ATP10A: variants seen among roughly 807,000 people sequenced by gnomAD.
ATP10A encodes ATPase phospholipid transporting 10A (putative), also known as phospholipid-transporting ATPase VA.
In ATP10A, 111 loss-of-function variants were observed where a neutral mutation model predicts 147.8. The ratio of observed to expected loss-of-function variants is 0.75; its 90% CI spans 0.64 to 0.88. The LOEUF (loss-of-function observed/expected upper bound fraction) is 0.88. Ranked by LOEUF, ATP10A falls within the 40% of genes least tolerant of loss-of-function variation. The probability of loss-of-function intolerance (pLI) is 0.00; values close to 1 mark genes in which losing one functional copy is unlikely to be tolerated. For missense variants in ATP10A, 1,927 were observed against 1,959.0 expected, an observed-to-expected ratio of 0.98 and a Z score of 0.31; for synonymous variants, 875 against 841.6, an observed-to-expected ratio of 1.04 and a Z score of -0.69.
At chr15:25,767,378 T>C (rs1889083738) in intron 2 of ATP10A, among the ~76,000 whole-genome samples, 1 of 152,164 alleles carries the variant, frequency 6.6e-6, no homozygotes, top group East Asian at 1.9e-4. Flanking sequence ...GCGAGTCTGC[T>C]GGGAGACCTG....
chr15:25,723,576 A>C (rs1313497030), intron 6 of ATP10A, among the ~76,000 whole-genome samples: 1 of 152,038 alleles, frequency 6.6e-6, no homozygotes, highest in African/African-American at 2.4e-5. Flanking sequence ...TAAACCTTAA[A>C]ATTATCCCAA....
intron 1 of ATP10A, among the ~76,000 whole-genome samples, chr15:25,790,464 G>A (rs929604523): frequency 6.6e-6 from 1 of 152,156 alleles, no homozygotes; most frequent in African/African-American, 2.4e-5. Flanking sequence ...AGGGCTGAAT[G>A]TTGTCCCAGC....
At chr15:25,838,116 A>C (rs1297622038) in intron 1 of ATP10A, among the ~76,000 whole-genome samples, 1 of 152,206 alleles carries the variant, frequency 6.6e-6, no homozygotes, top group East Asian at 1.9e-4. Context: ...TAGAGCAATG[A>C]TGATGAAAGG....
intron 10 of ATP10A, chr15:25,710,470 C>CTGA (rs1447994237): frequency 3.3e-5 from 5 of 152,200 alleles, no homozygotes; most frequent in Non-Finnish European, 7.3e-5. Flanking sequence ...TGGGCTGCAC[C>CTGA]TGATGTTCCC....
intron 2 of ATP10A, among the ~76,000 whole-genome samples, chr15:25,767,346 A>T (rs1234894551): frequency 6.6e-6 from 1 of 152,174 alleles, no homozygotes; most frequent in Non-Finnish European, 1.5e-5. Context: ...GGATGGATGG[A>T]GGCTGCGCCA....
At chr15:25,845,108 C>T (rs1039946318) in intron 1 of ATP10A, among the ~76,000 whole-genome samples, 4 of 152,206 alleles carry the variant, frequency 2.6e-5, no homozygotes, top group African/African-American at 4.8e-5. Context: ...AGCAAGACCT[C>T]GCCTCTCACA....
At chr15:25,789,932 C>T (rs948203940) in intron 1 of ATP10A, among the ~76,000 whole-genome samples, 1 of 152,092 alleles carries the variant, frequency 6.6e-6, no homozygotes, top group Admixed American at 6.6e-5. Flanking sequence ...AAAATCGCTC[C>T]CGGTTGAGAA....
At chr15:25,685,305 T>A (rs1231686146) in intron 16 of ATP10A, among the ~76,000 whole-genome samples, 1 of 152,172 alleles carries the variant, frequency 6.6e-6, no homozygotes, top group African/African-American at 2.4e-5. Context: ...GGCATTTTTA[T>A]GGAATAAAAA....
At chr15:25,675,311 G>C (rs369023462), downstream of ATP10A, among the ~76,000 whole-genome samples, 10 of 152,200 alleles carry the variant, frequency 6.6e-5, no homozygotes, top group Admixed American at 6.5e-4. Context: ...TGTCACTTCT[G>C]TTGTTCCAAA....
intron 1 of ATP10A, among the ~76,000 whole-genome samples, chr15:25,851,310 C>T (rs1239551150): frequency 6.6e-6 from 1 of 151,884 alleles, no homozygotes; most frequent in African/African-American, 2.4e-5. Context: ...TTCCAAGGCT[C>T]TCCATTCGTG....
At chr15:25,682,732 T>C (rs1247941711) in intron 17 of ATP10A, among the ~76,000 whole-genome samples, 1 of 152,186 alleles carries the variant, frequency 6.6e-6, no homozygotes, top group Non-Finnish European at 1.5e-5. Context: ...TGAATGAATC[T>C]GGAATTAGGG....
chr15:25,846,896 C>T (rs1012082243), intron 1 of ATP10A, among the ~76,000 whole-genome samples: 4 of 151,962 alleles, frequency 2.6e-5, no homozygotes, highest in Admixed American at 1.3e-4. Context: ...CATTACATGC[C>T]GGTAATTTAT....
At chr15:25,813,236 C>G (rs543513988) in intron 1 of ATP10A, among the ~76,000 whole-genome samples, 1 of 152,272 alleles carries the variant, frequency 6.6e-6, no homozygotes, top group East Asian at 1.9e-4. Context: ...AGGAATAGTC[C>G]TTGATCTCAC....
intron 1 of ATP10A, among the ~76,000 whole-genome samples, chr15:25,809,206 A>G (rs1891325196): frequency 6.6e-6 from 1 of 152,056 alleles, no homozygotes; most frequent in African/African-American, 2.4e-5. Context: ...CACCAGAAAG[A>G]GCCCAACTGA....
chr15:25,708,247 G>A lies in ATP10A; in HGVS notation c.2398C>T (p.Leu800Phe). 1 of 1,614,214 alleles carries A rather than the reference G, an allele frequency of 6.2e-7. No individual in the cohort carries two copies. The highest frequency in any genetic ancestry group is 8.5e-7 in the Non-Finnish European group (1 of 1,180,040). ...AGGCCTTCCGCCGCATACACGTTGAGGTAATTCTGAGTTTTGCTCCGAATC... is the reference window on the plus strand; with the variant it reads ...AGGCCTTCCGCCGCATACACGTTGAAGTAATTCTGAGTTTTGCTCCGAATC... ...KKIRSKTQNYLNVYAAEGLRT... is the reference protein window; with the variant it reads ...KKIRSKTQNYFNVYAAEGLRT... Residue 800 changes from leucine to phenylalanine, a missense_variant, in exon 11 of 21, where the codon CTC becomes TTC. Physicochemically the swap from Leu to Phe is conservative, Grantham distance 22. Transcript: ENST00000555815.
At chr15:25,822,008 G>T (rs1270654546) in intron 1 of ATP10A, among the ~76,000 whole-genome samples, 4 of 152,190 alleles carry the variant, frequency 2.6e-5, no homozygotes, top group Non-Finnish European at 5.9e-5. Context: ...AGATGCGGAA[G>T]TTTCTGATCT....
intron 1 of ATP10A, among the ~76,000 whole-genome samples, chr15:25,836,845 T>C (rs1892618856): frequency 6.6e-6 from 1 of 152,184 alleles, no homozygotes; most frequent in Non-Finnish European, 1.5e-5. Context: ...CAAGACCGTC[T>C]ATGCATGTGC....
chr15:25,801,424 C>A (rs1890933627), intron 1 of ATP10A, among the ~76,000 whole-genome samples: 2 of 152,204 alleles, frequency 1.3e-5, no homozygotes, highest in South Asian at 4.1e-4. Flanking sequence ...GGGGATAACA[C>A]TGGCAATGCC....
chr15:25,690,986 G>T (rs950185018), intron 15 of ATP10A, among the ~76,000 whole-genome samples: 1 of 152,096 alleles, frequency 6.6e-6, no homozygotes, highest in Admixed American at 6.5e-5. Context: ...CTCTGCACAG[G>T]CCTGACATGT....
Sources: allele counts gnomAD v4.1 joint callset (sites outside exome capture counted in the v4.1 genomes callset), GRCh38; gene constraint gnomAD v4.1.1; transcripts MANE v1.5; gene names NCBI Gene and HGNC (gene_info 2026-07-23, HGNC 2026-07-21).